CAP2: variants seen among roughly 807,000 people sequenced by gnomAD.
CAP2 encodes the protein cyclase associated actin cytoskeleton regulatory protein 2, also known as adenylyl cyclase-associated protein 2.
In CAP2, 24 loss-of-function variants were observed where a neutral mutation model predicts 57.7. The ratio of observed to expected loss-of-function variants is 0.42; its 90% confidence interval spans 0.30 to 0.58. CAP2 has a LOEUF of 0.58. CAP2 is among the 20% of genes least tolerant of loss of function. The pLI is 0.22. For synonymous variants in CAP2, 194 were observed against 207.2 expected (o/e 0.94, Z 0.55); for missense variants, 501 against 590.3 (o/e 0.85, Z 1.57).
chr6:17,482,834 A>G (rs1218366470), intron 4 of CAP2, among the ~76,000 whole-genome samples: 1 of 152,208 alleles, frequency 6.6e-6, no homozygotes, highest in Non-Finnish European at 1.5e-5. Flanking sequence ...ATAAGGTCAC[A>G]TTCTGAAGTA....
Position 17,543,081 on chromosome 6 carries a change from C to A in CAP2, c.1147C>A (p.Leu383Met). 1 of 1,614,044 alleles carries A rather than the reference C, an allele frequency of 6.2e-7. No individual in the cohort carries two copies. Among genetic ancestry groups the A allele is most frequent in the Non-Finnish European group, 8.5e-7 (1 of 1,179,950 alleles). Residue 383 changes from leucine to methionine, a missense_variant, in exon 11 of 13, where the codon CTG becomes ATG. Coordinates refer to ENST00000229922, the MANE Select transcript of CAP2 (RefSeq NM_006366.3). ...IIIDNCKKLG[L>M]VFDNVVGIVE... Reference sequence around the variant, plus strand: ...CACAGACAACTGTAAAAAACTCGGCCTGGTGTTTGACAATGTGGTGGGCAT... The same window carrying A: ...CACAGACAACTGTAAAAAACTCGGCATGGTGTTTGACAATGTGGTGGGCAT...
chr6:17,415,269 T>A (rs1199885652), intron 1 of CAP2, among the ~76,000 whole-genome samples: 1 of 152,258 alleles, frequency 6.6e-6, no homozygotes, highest in Non-Finnish European at 1.5e-5. Context: ...CATTATCTCT[T>A]ACTTGTTTTG....
chr6:17,402,739 T>C (rs1214725309), intron 1 of CAP2, among the ~76,000 whole-genome samples: 2 of 152,168 alleles, frequency 1.3e-5, no homozygotes, highest in East Asian at 3.8e-4. Flanking sequence ...CAGCATAAAG[T>C]TTATTTGCAT....
chr6:17,523,941 A>G (rs4716153), intron 7 of CAP2, among the ~76,000 whole-genome samples: 109,842 of 151,964 alleles, frequency 0.72, 39,808 homozygotes, highest in East Asian at 0.73. Context: ...GGGCGTGGTG[A>G]CGCATGCCTG....
At chr6:17,532,464 G>A (rs1762668908) in intron 7 of CAP2, among the ~76,000 whole-genome samples, 1 of 149,888 alleles carries the variant, frequency 6.7e-6, no homozygotes, top group Admixed American at 6.6e-5. Context: ...TTAGAGTTTA[G>A]GTAGGGTGCA....
At chr6:17,435,714 G>A (rs1417890188) in intron 3 of CAP2, among the ~76,000 whole-genome samples, 5 of 133,850 alleles carry the variant, frequency 3.7e-5, no homozygotes, top group Admixed American at 7.3e-5. Flanking sequence ...AGAAGTTTAC[G>A]GATAAAAAAA....
chr6:17,513,485 C>T lies in CAP2; in HGVS notation c.531-364C>T, dbSNP rs1376638877. Among the ~76,000 whole-genome samples the T allele has an allele frequency of 1.3e-5, 2 of 152,022 alleles. No homozygotes were observed. The highest frequency in any genetic ancestry group is 2.9e-5 in the Non-Finnish European group (2 of 68,008). ...GAGTATATTGTCTCTCATTTTGCAT[C>T]AGAAGCAGTGCAGAAAGAAACAGTC... On this transcript the variant is annotated intron_variant, in intron 6 of 12. Transcript: ENST00000229922. This position sits in a 1 kb window ranked among gnomAD's most constrained non-coding sequence, Gnocchi z 4.3.
chr6:17,432,723 G>GCTTC (rs1176582933), intron 3 of CAP2, among the ~76,000 whole-genome samples: 2 of 151,578 alleles, frequency 1.3e-5, no homozygotes, highest in Non-Finnish European at 2.9e-5. Context: ...CCACCCCCTT[G>GCTTC]CTTGCTTGCT....
chr6:17,527,597 C>CTTTTTTTTTTTTTTTTTTT (rs10668941), intron 7 of CAP2, among the ~76,000 whole-genome samples: 1 of 131,224 alleles, frequency 7.6e-6, no homozygotes, highest in Non-Finnish European at 1.6e-5. Flanking sequence ...TGTTCTCTTT[C>CTTTTTTTTTTTTTTTTTTT]TTTTTTTTTT....
At chr6:17,462,538 C>T (rs1045619872) in intron 3 of CAP2, among the ~76,000 whole-genome samples, 14 of 152,028 alleles carry the variant, frequency 9.2e-5, no homozygotes, top group African/African-American at 3.4e-4. Flanking sequence ...TACCCATTAG[C>T]AGTTCACTCC....
At chr6:17,424,144 G>A (rs1322532528) in intron 2 of CAP2, among the ~76,000 whole-genome samples, 1 of 152,094 alleles carries the variant, frequency 6.6e-6, no homozygotes, top group Non-Finnish European at 1.5e-5. Flanking sequence ...GCTCACGCCT[G>A]TAATCCAGCA....
intron 3 of CAP2, among the ~76,000 whole-genome samples, chr6:17,442,431 T>A (rs1760110915): frequency 6.6e-6 from 1 of 152,004 alleles, no homozygotes; most frequent in Non-Finnish European, 1.5e-5. Flanking sequence ...TGTGCAGGGG[T>A]GAATTTGTGA....
At chr6:17,462,568 GC>G (rs145358372) in intron 3 of CAP2, among the ~76,000 whole-genome samples, 5,654 of 152,090 alleles carry the variant, frequency 0.037, 370 homozygotes, top group African/African-American at 0.13. Flanking sequence ...CCTCCCAGCA[GC>G]CCCAGCACCC....
At chr6:17,543,860 C>T (rs1182632178) in intron 11 of CAP2, among the ~76,000 whole-genome samples, 1 of 152,078 alleles carries the variant, frequency 6.6e-6, no homozygotes, top group East Asian at 1.9e-4. Flanking sequence ...CATGGTGGCT[C>T]ACGCCTGTAA....
intron 3 of CAP2, among the ~76,000 whole-genome samples, chr6:17,447,860 G>C (rs1274482018): frequency 1.3e-5 from 2 of 152,218 alleles, no homozygotes; most frequent in African/African-American, 4.8e-5. Context: ...GGGTAAGTTG[G>C]GAATGGCTAT....
intron 4 of CAP2, among the ~76,000 whole-genome samples, chr6:17,491,011 A>G (rs927732089): frequency 4.6e-5 from 7 of 152,146 alleles, no homozygotes; most frequent in African/African-American, 1.7e-4. Context: ...GACGTGTGCT[A>G]CTAAAAGAAA....
chr6:17,530,721 G>A lies in CAP2; in HGVS notation c.637-8548G>A, dbSNP rs138519306. Reference sequence around the variant, plus strand: ...GTACTACCACTAAGCTAGCTCTGTGGAAGAAACATCTTAACAAAAATTGTT... The same window carrying A: ...GTACTACCACTAAGCTAGCTCTGTGAAAGAAACATCTTAACAAAAATTGTT... On this transcript the variant is annotated intron_variant, in intron 7 of 12. Transcript: ENST00000229922. 4.5e-4 allele frequency among the ~76,000 whole-genome samples: 68 copies of A among 152,180 alleles called. 1 individual carries two copies. Among genetic ancestry groups the A allele is most frequent in the African/African-American group, 1.5e-3 (64 of 41,538 alleles).
intron 7 of CAP2, among the ~76,000 whole-genome samples, chr6:17,534,033 T>C (rs1199313857): frequency 6.6e-6 from 1 of 152,192 alleles, no homozygotes; most frequent in Admixed American, 6.5e-5. Context: ...TTAACTAAGG[T>C]TAAGTCTGTC....
At position 17,463,066 on chromosome 6, in the gene CAP2, C is replaced by A. The variant is rs1760769085; in HGVS notation, c.293C>A (p.Pro98His). The A allele has an allele frequency of 6.2e-7, 1 of 1,611,802 alleles. No homozygotes were observed. ...CTGATGGCCTCTCAGTACCAACAAC[C>A]CCACGAGGTAAGAGAGTGTCCTGAG... ...FLLMASQYQQ[P>H]HENDVAALLK... The change falls in exon 4 of 13, where the codon CCC becomes CAC. Residue 98 changes from proline (P) to histidine (H), a missense_variant. Physicochemically the swap from Pro to His is moderately conservative, Grantham distance 77. Coordinates refer to ENST00000229922, the MANE Select transcript of CAP2 (RefSeq NM_006366.3).
Sources: allele counts gnomAD v4.1 joint callset (sites outside exome capture counted in the v4.1 genomes callset), GRCh38; gene constraint gnomAD v4.1.1; non-coding constraint Gnocchi (gnomAD v3.1); transcripts MANE v1.5; gene names NCBI Gene and HGNC (gene_info 2026-07-23, HGNC 2026-07-21).